The following FAM83B variants were observed in gnomAD, a reference collection of about 807,000 sequenced individuals.
FAM83B encodes the protein scaffolding CK1 anchoring protein B.
Under a neutral mutation model 38.8 loss-of-function variants are expected in FAM83B, and 26 were observed. That is an observed-to-expected ratio of 0.67 (90% CI 0.49 to 0.93). The LOEUF (loss-of-function observed/expected upper bound fraction) is 0.93, where lower values mean the gene tolerates loss of function less well. Ranked by LOEUF, FAM83B falls within the 40% of genes least tolerant of loss-of-function variation. FAM83B has a pLI of 0.00. For synonymous variants in FAM83B, 419 were observed against 423.1 expected (o/e 0.99, Z 0.12); for missense variants, 1,237 against 1,197.3 (o/e 1.03, Z -0.49).
chr6:54,880,539 G>T (rs528816860), intron 2 of FAM83B, among the ~76,000 whole-genome samples: 1 of 143,262 alleles, frequency 7.0e-6, no homozygotes, highest in African/African-American at 2.6e-5. Flanking sequence ...CTGCCTCTCA[G>T]GTTCAAGTGA....
intron 1 of FAM83B, among the ~76,000 whole-genome samples, chr6:54,864,383 G>A (rs1011779688): frequency 1.4e-4 from 22 of 152,168 alleles, no homozygotes; most frequent in African/African-American, 5.3e-4. Flanking sequence ...GTTTTTATGA[G>A]TTTGATAAGA....
chr6:54,863,022 T>A (rs1029124928), intron 1 of FAM83B, among the ~76,000 whole-genome samples: 1 of 152,140 alleles, frequency 6.6e-6, no homozygotes, highest in African/African-American at 2.4e-5. Flanking sequence ...GGAGGCGAGT[T>A]CTTGTCACTC....
At chr6:54,886,422 C>A (rs1448289779) in intron 2 of FAM83B, among the ~76,000 whole-genome samples, 1 of 151,858 alleles carries the variant, frequency 6.6e-6, no homozygotes, top group Non-Finnish European at 1.5e-5. Flanking sequence ...TTTTTATGAG[C>A]CTAATTTTAA....
rs541533999 is a variant in FAM83B, at chr6:54,862,875, C to A, written c.-60-7312C>A. Among the ~76,000 whole-genome samples the A allele has an allele frequency of 5.3e-5, 8 of 151,786 alleles. No homozygotes were observed. The East Asian group carries it at 1.6e-3, about 30-fold the overall frequency. On this transcript the variant is annotated intron_variant, in intron 1 of 4. Transcript: ENST00000306858. ...CTCCAGGCTGGGTGCAAAAACCCCC[C>A]CCCAAAAAAACCACGAAAAAAAAAA...
intron 4 of FAM83B, among the ~76,000 whole-genome samples, 189 bp from the exon 5 acceptor site, chr6:54,939,517 C>G (rs911923758): frequency 6.6e-6 from 1 of 151,858 alleles, no homozygotes; most frequent in African/African-American, 2.4e-5. Flanking sequence ...ATTTGAGTTG[C>G]GTTGTTATTT....
intron 4 of FAM83B, among the ~76,000 whole-genome samples, chr6:54,937,451 A>G (rs1244713324): frequency 1.3e-5 from 2 of 152,092 alleles, no homozygotes; most frequent in Non-Finnish European, 2.9e-5. Context: ...TACTAATACT[A>G]TGTACAGTGA....
chr6:54,869,125 T>C (rs1287281793), intron 1 of FAM83B, among the ~76,000 whole-genome samples: 2 of 152,200 alleles, frequency 1.3e-5, no homozygotes, highest in Non-Finnish European at 2.9e-5. Flanking sequence ...TTGTGAGAGA[T>C]GGAATGTGAG....
intron 2 of FAM83B, among the ~76,000 whole-genome samples, chr6:54,923,102 A>G (rs1773207203): frequency 6.6e-6 from 1 of 152,124 alleles, no homozygotes. Context: ...TTCAACAATT[A>G]TCATTCACGG....
intron 1 of FAM83B, among the ~76,000 whole-genome samples, chr6:54,861,745 G>A (rs931767): frequency 0.51 from 77,880 of 151,918 alleles, 20,858 homozygotes; most frequent in Non-Finnish European, 0.58. Context: ...CTCACTGTCC[G>A]ATAATGAGAT....
chr6:54,935,095 A>G (rs1456321496), intron 4 of FAM83B, among the ~76,000 whole-genome samples: 1 of 152,178 alleles, frequency 6.6e-6, no homozygotes. Context: ...AAACCTTTTA[A>G]GTTTTCCACC....
rs1057475957 is a variant in FAM83B at position 54,922,126 on chromosome 6, G to A, written c.445-4245G>A. Among the ~76,000 whole-genome samples, 8 of 152,092 alleles carry A rather than the reference G, an allele frequency of 5.3e-5. No individual in the cohort carries two copies. The South Asian group carries it at 1.7e-3, about 32-fold the overall frequency. ...AAGACTGTCATTTGTTCTGCATTTA[G>A]TGTGACAGAAACATCCATTGGCTGA... is the stretch of plus-strand genomic sequence containing the variant. On this transcript the variant is annotated intron_variant, in intron 2 of 4. Coordinates refer to ENST00000306858, the MANE Select transcript of FAM83B (RefSeq NM_001010872.3).
intron 4 of FAM83B, among the ~76,000 whole-genome samples, chr6:54,936,431 G>A (rs550533518): frequency 2.2e-4 from 33 of 151,820 alleles, no homozygotes; most frequent in Non-Finnish European, 4.7e-4. Flanking sequence ...CTTTGGTTGG[G>A]CTCTTACTTT....
At chr6:54,875,426 T>G (rs1159370874) in intron 2 of FAM83B, among the ~76,000 whole-genome samples, 1 of 152,158 alleles carries the variant, frequency 6.6e-6, no homozygotes, top group Non-Finnish European at 1.5e-5. Flanking sequence ...CCTATCCCTG[T>G]CCCAACTCTC....
At position 54,941,993 on chromosome 6, in the gene FAM83B, C is replaced by A; in HGVS notation, c.3022C>A (p.His1008Asn). The A allele has an allele frequency of 1.3e-6, 2 of 1,594,406 alleles. No individual in the cohort carries two copies. Among genetic ancestry groups the A allele is most frequent in the Non-Finnish European group, 1.7e-6 (2 of 1,171,946 alleles). The change falls in exon 5 of 5, where the codon CAC becomes AAC. Residue 1008 changes from histidine to asparagine, a missense_variant. By Grantham distance (68) the His-to-Asn change is moderately conservative. Coordinates refer to ENST00000306858, the MANE Select transcript of FAM83B (RefSeq NM_001010872.3). ...TATGCAAAAGTTTGGAAACTTTATA[C>A]ACAAAAATAAATAGCTATTAAAATG... ...GFMQKFGNFI[H>N]KNK is the part of the protein sequence containing the mutation.
chr6:54,909,660 T>C (rs1259497459), intron 2 of FAM83B, among the ~76,000 whole-genome samples: 2 of 152,118 alleles, frequency 1.3e-5, no homozygotes, highest in Non-Finnish European at 2.9e-5. Context: ...ATGACTTAGG[T>C]CCACACCTAC....
chr6:54,863,400 T>A, intron 1 of FAM83B, among the ~76,000 whole-genome samples: 1 of 152,188 alleles, frequency 6.6e-6, no homozygotes, highest in East Asian at 1.9e-4. Flanking sequence ...ATAGAAACCC[T>A]TCGGGTCAGT....
rs1426708160 is a variant in FAM83B at position 54,890,636 on chromosome 6, A to G, written c.444+19946A>G. 2.0e-5 allele frequency among the ~76,000 whole-genome samples: 3 copies of G among 152,032 alleles called. No homozygotes were observed. The East Asian group carries it at 5.8e-4, about 29-fold the overall frequency. On this transcript the variant is annotated intron_variant, in intron 2 of 4. Coordinates refer to ENST00000306858, the MANE Select transcript of FAM83B (RefSeq NM_001010872.3). ...ATATCTCAACTTCAAAAGCAGAAAA[A>G]GTCCATTCCCTGCCCTCCCCTCATC...
chr6:54,938,183 T>G (rs1194338274), intron 4 of FAM83B, among the ~76,000 whole-genome samples: 1 of 152,054 alleles, frequency 6.6e-6, no homozygotes, highest in South Asian at 2.1e-4. Flanking sequence ...ATCCAGGTTG[T>G]TGCAAATGCC....
chr6:54,882,678 A>G (rs1662541947), intron 2 of FAM83B, among the ~76,000 whole-genome samples: 2 of 152,094 alleles, frequency 1.3e-5, no homozygotes, highest in African/African-American at 4.8e-5. Context: ...GTATATGATG[A>G]GGCTTTGTGC....
Sources: gnomAD v4.1 joint callset for allele counts (sites outside exome capture counted in the v4.1 genomes callset) on GRCh38, gnomAD v4.1.1 for gene constraint, MANE v1.5 for transcripts, NCBI Gene and HGNC (gene_info 2026-07-23, HGNC 2026-07-21) for gene names.